Variants in DUOXA2 observed in about 807,000 individuals in gnomAD.
DUOXA2 encodes the protein dual oxidase maturation factor 2.
Under a neutral mutation model 27.6 loss-of-function variants are expected in DUOXA2, and 22 were observed. The ratio of observed to expected loss-of-function variants is 0.80; its 90% CI spans 0.57 to 1.14. The LOEUF is 1.14. Among genes scored for constraint, DUOXA2 ranks in the 50% most tolerant of loss-of-function variants. DUOXA2 has a pLI of 0.00. For missense variants in DUOXA2, 481 were observed against 419.9 expected, an observed-to-expected ratio of 1.15 and a Z score of -1.27; for synonymous variants, 188 against 184.4, an observed-to-expected ratio of 1.02 and a Z score of -0.16.
intron 5 of DUOXA2, 22 bp downstream of exon 5, chr15:45,117,327 C>A: frequency 6.4e-7 from 1 of 1,568,450 alleles, no homozygotes. Context: ...GAGAATGGGC[C>A]CCGGGGGCTA....
chr15:45,114,817 G>GATT, intron 1 of DUOXA2, 65 bp downstream of exon 1: 1 of 1,609,406 alleles, frequency 6.2e-7, no homozygotes, highest in Non-Finnish European at 8.5e-7. Flanking sequence ...TCTCCTGAGG[G>GATT]ACCCAGGACA....
chr15:45,116,823 G>C (rs1349045299), intron 4 of DUOXA2, 94 bp downstream of exon 4: 12 of 1,442,908 alleles, frequency 8.3e-6, no homozygotes, highest in Non-Finnish European at 1.1e-5. Flanking sequence ...GCGCTGAGCA[G>C]CTGCAGCCAG....
Position 45,118,326 on chromosome 15 carries a change from G to T in DUOXA2, c.*417G>T, listed in dbSNP as rs541010782. ...CACCCCAGGGGGACGTTAGGTGGCAGTGATGAGGCAGGTCACCCACTCCCC... is the reference window on the plus strand; with the variant it reads ...CACCCCAGGGGGACGTTAGGTGGCATTGATGAGGCAGGTCACCCACTCCCC... On this transcript the variant is annotated 3_prime_UTR_variant, in exon 6 of 6. Transcript: ENST00000323030. 17 of 1,214,522 alleles carry T rather than the reference G, an allele frequency of 1.4e-5. No individual in the cohort carries two copies. In the South Asian group the frequency reaches 5.0e-4, roughly 36 times the overall value. 75.2% of individuals were successfully genotyped at this position (1,214,522 alleles called of 1,614,324 possible). A position where few individuals can be genotyped will look rare whatever the true frequency, so the allele number is the denominator to read the frequency against.
Position 45,116,229 on chromosome 15 carries a change from G to A in DUOXA2, c.311G>A (p.Gly104Asp). The A allele has an allele frequency of 6.2e-7, 1 of 1,614,114 alleles. No homozygotes were observed. Among genetic ancestry groups the A allele is most frequent in the Non-Finnish European group, 8.5e-7 (1 of 1,180,034 alleles). Reference sequence around the variant, plus strand: ...ACAGCCCGTGTCCGTCTGCTCGTGGGCCTGGAGGGCATTAATATTACACTC... The same window carrying A: ...ACAGCCCGTGTCCGTCTGCTCGTGGACCTGGAGGGCATTAATATTACACTC... Reference protein sequence around the residue: ...RVTARVRLLVGLEGINITLTG... With the variant: ...RVTARVRLLVDLEGINITLTG... Residue 104 changes from glycine (G) to aspartate (D), a missense_variant, in exon 3 of 6, where the codon GGC (glycine) becomes GAC (aspartate). Coordinates refer to ENST00000323030, the MANE Select transcript of DUOXA2 (RefSeq NM_207581.4).
chr15:45,116,337 G>A, intron 3 of DUOXA2, 79 bp downstream of exon 3: 1 of 1,594,732 alleles, frequency 6.3e-7, no homozygotes, highest in South Asian at 1.1e-5. Flanking sequence ...TAGCTGGAGG[G>A]CCTCTCACAT....
Position 45,114,656 on chromosome 15 carries a change from C to T in DUOXA2, c.51C>T (p.Ala17=), listed in dbSNP as rs4775766. ...VLPFYPQPRH[A]AGFSVPLLIV... ...CTTTTTACCCCCAGCCCCGGCATGC[C>T]GCAGGCTTCAGCGTTCCACTGCTCA... Residue 17 remains alanine, a synonymous_variant, in exon 1 of 6, where the codon GCC becomes GCT. Coordinates refer to ENST00000323030, the MANE Select transcript of DUOXA2 (RefSeq NM_207581.4). 2,012 of 1,614,206 alleles carry T rather than the reference C, an allele frequency of 1.2e-3. 24 individuals are homozygous for T. In the Admixed American group the frequency reaches 0.015, roughly 12 times the overall value.
rs1894808601 is a variant in DUOXA2 at position 45,118,140 on chromosome 15, C to T, written c.*231C>T. The T allele has an allele frequency of 2.4e-5, 35 of 1,439,444 alleles. No individual in the cohort carries two copies. Among genetic ancestry groups the T allele is most frequent in the Middle Eastern group, 5.1e-4 (2 of 3,916 alleles). The allele number at this position is 1,439,444 out of a possible 1,614,324, so 89.2% of individuals were successfully genotyped here. A position where few individuals can be genotyped will look rare whatever the true frequency, so the allele number is the denominator to read the frequency against. ...CCCATTAATTTTCATGGCTTCTCCG[C>T]GCCGGGGTCGCACGTCCTCATGAGC... On this transcript the variant is annotated 3_prime_UTR_variant, in exon 6 of 6. Transcript: ENST00000323030.
intron 5 of DUOXA2, 151 bp from the exon 6 acceptor site, chr15:45,117,565 G>C (rs1566983815): frequency 6.3e-7 from 1 of 1,594,780 alleles, no homozygotes; most frequent in Non-Finnish European, 8.5e-7. Context: ...GGCTCCAAAA[G>C]ATGGAAGAAG....
chr15:45,116,885 G>A, intron 4 of DUOXA2, 156 bp downstream of exon 4: 1 of 1,095,542 alleles, frequency 9.1e-7, no homozygotes, highest in Non-Finnish European at 1.3e-6. Flanking sequence ...GAAGATCCAC[G>A]AGATCTGCAC....
At chr15:45,116,308 T>A in intron 3 of DUOXA2, 50 bp downstream of exon 3, 2 of 1,609,454 alleles carry the variant, frequency 1.2e-6, no homozygotes, top group Non-Finnish European at 8.5e-7. Flanking sequence ...GATCCCCGGT[T>A]AGGTGAGTGT....
chr15:45,117,450 A>T, intron 5 of DUOXA2, 145 bp downstream of exon 5: 1 of 1,542,060 alleles, frequency 6.5e-7, no homozygotes, highest in Non-Finnish European at 8.8e-7. Flanking sequence ...CACTGTTATG[A>T]CCATTTTACA....
At chr15:45,116,057 C>A in intron 2 of DUOXA2, 67 bp from the exon 3 acceptor site, 1 of 1,611,892 alleles carries the variant, frequency 6.2e-7, no homozygotes. Flanking sequence ...TGTCCCACCT[C>A]CCATACCACT....
In DUOXA2 at chr15:45,117,833, C is replaced by CA; in HGVS notation, c.888dup (p.Pro297ThrfsTer23). The CA allele has an allele frequency of 1.9e-6, 3 of 1,613,840 alleles. No homozygotes were observed. Among genetic ancestry groups the CA allele is most frequent in the Non-Finnish European group, 2.5e-6 (3 of 1,180,046 alleles). ...GACTGCAGCCAGGAGAGAGGGGGCTCACCTCTTATCCTCGGCGACCCACTG... is the reference window on the plus strand; with the variant it reads ...GACTGCAGCCAGGAGAGAGGGGGCTCAACCTCTTATCCTCGGCGACCCACTG... On this transcript the variant is annotated frameshift_variant, in exon 6 of 6. Transcript: ENST00000323030. LOFTEE classifies it low-confidence loss of function (END_TRUNC).
chr15:45,115,513 C>A, intron 1 of DUOXA2: 1 of 609,630 alleles, frequency 1.6e-6, no homozygotes, highest in Non-Finnish European at 3.1e-6. Context: ...CAGGACCAGG[C>A]GCCAGACAGC....
At chr15:45,114,859 T>C in intron 1 of DUOXA2, 107 bp downstream of exon 1, 1 of 1,531,732 alleles carries the variant, frequency 6.5e-7, no homozygotes, top group Non-Finnish European at 9.0e-7. Flanking sequence ...CCATGAATAG[T>C]CGAATTGAGG....
chr15:45,118,108 T>G lies in DUOXA2; in HGVS notation c.*199T>G, dbSNP rs770062169. The G allele has an allele frequency of 1.3e-6, 2 of 1,486,936 alleles. No individual in the cohort carries two copies. Among genetic ancestry groups the G allele is most frequent in the Non-Finnish European group, 1.8e-6 (2 of 1,123,374 alleles). The allele number at this position is 1,486,936 out of a possible 1,614,324, so 92.1% of individuals were successfully genotyped here. On this transcript the variant is annotated 3_prime_UTR_variant, in exon 6 of 6. Coordinates refer to ENST00000323030, the MANE Select transcript of DUOXA2 (RefSeq NM_207581.4). ...TTTTTTTCTTTTGTTTTTTAAAAAC[T>G]GTTTTTCCCATTAATTTTCATGGCT... is the stretch of plus-strand genomic sequence containing the variant.
chr15:45,116,987 C>A (rs1018389450), intron 4 of DUOXA2, 104 bp from the exon 5 acceptor site: 151 of 1,374,584 alleles, frequency 1.1e-4, no homozygotes, highest in Non-Finnish European at 1.4e-4. Flanking sequence ...CCATCCCAGT[C>A]CCTGGCTTTG....
chr15:45,117,446 T>C, intron 5 of DUOXA2, 141 bp downstream of exon 5: 1 of 1,541,176 alleles, frequency 6.5e-7, no homozygotes, highest in South Asian at 1.2e-5. Context: ...CAGGCACTGT[T>C]ATGACCATTT....
In DUOXA2 at chr15:45,118,007, T is replaced by C. The variant is rs1424721486; in HGVS notation, c.*98T>C. The C allele has an allele frequency of 6.2e-7, 1 of 1,609,210 alleles. No individual in the cohort carries two copies. The highest frequency in any genetic ancestry group is 1.7e-5 in the Admixed American group (1 of 59,896). On this transcript the variant is annotated 3_prime_UTR_variant, in exon 6 of 6. Coordinates refer to ENST00000323030, the MANE Select transcript of DUOXA2 (RefSeq NM_207581.4). Reference sequence around the variant, plus strand: ...GCCAGGAGAGCTCCAGGAAGGGCACTGAGCGCTGCTGGCGCGAGGCCTCGG... The same window carrying C: ...GCCAGGAGAGCTCCAGGAAGGGCACCGAGCGCTGCTGGCGCGAGGCCTCGG...
Sources: gnomAD v4.1 joint callset for allele counts on GRCh38, gnomAD v4.1.1 for gene constraint, MANE v1.5 for transcripts, NCBI Gene and HGNC (gene_info 2026-07-23, HGNC 2026-07-21) for gene names.